Variants in LLGL1 observed in about 807,000 individuals in gnomAD.
LLGL1 encodes the protein LLGL scribble cell polarity complex component 1.
A neutral mutation model predicts 110.6 loss-of-function variants in LLGL1; 58 were observed. The observed-to-expected ratio is 0.52, with a 90% CI of 0.42 to 0.65. LLGL1 has a LOEUF of 0.65. Among genes scored for constraint, LLGL1 ranks in the 30% least tolerant of loss-of-function variants. The pLI, the probability that LLGL1 is intolerant of heterozygous loss-of-function variation, is 0.00. For synonymous variants in LLGL1, 674 were observed against 607.2 expected (o/e 1.11, Z -1.62); for missense variants, 1,229 against 1,462.1 (o/e 0.84, Z 2.60).
At chr17:18,236,562 G>A in intron 11 of LLGL1, 45 bp from the exon 12 acceptor site, 2 of 1,572,752 alleles carry the variant, frequency 1.3e-6, no homozygotes, top group Non-Finnish European at 1.7e-6. Flanking sequence ...GGGCGTGCAG[G>A]CCTCCCAGGA....
In LLGL1 at chr17:18,238,608, T is replaced by C; in HGVS notation, c.2205T>C (p.Asp735=). The change falls in exon 16 of 23, where the codon GAT becomes GAC. Residue 735 remains aspartate (D), a splice_region_variant and synonymous_variant. Coordinates refer to ENST00000316843, the MANE Select transcript of LLGL1 (RefSeq NM_004140.4). ...ACTTTGCCGACACATTCCTTCGAGA[T>C]GGTAAGGCAGGGGCAGGGGCAGGGA... ...CLYFADTFLR[D]GAHHGPTMWA... The C allele has an allele frequency of 1.2e-6, 2 of 1,610,562 alleles. No homozygotes were observed. Among genetic ancestry groups the C allele is most frequent in the Non-Finnish European group, 1.7e-6 (2 of 1,179,038 alleles).
rs764681199 is a variant in LLGL1 at position 18,237,751 on chromosome 17, C to T, written c.1882C>T (p.Arg628Cys). The T allele has an allele frequency of 8.7e-6, 14 of 1,609,570 alleles. No homozygotes were observed. The highest frequency in any genetic ancestry group is 6.7e-5 in the Admixed American group (4 of 59,962). Residue 628 changes from arginine to cysteine, a missense_variant, in exon 14 of 23, where the codon CGC (arginine) becomes TGC (cysteine). By Grantham distance (180) the Arg-to-Cys change is radical (BLOSUM62 -3). Transcript: ENST00000316843. ...SHGFGLFDYQ[R>C]KSPVLARCTL... is the part of the protein sequence containing the mutation. Reference sequence around the variant, plus strand: ...TGGCTTTGGCCTCTTCGACTACCAGCGCAAGAGCCCTGTGCTGGCCAGGTG... The same window carrying T: ...TGGCTTTGGCCTCTTCGACTACCAGTGCAAGAGCCCTGTGCTGGCCAGGTG...
chr17:18,230,872 G>A (rs1210960079), intron 2 of LLGL1, among the ~76,000 whole-genome samples: 1 of 152,190 alleles, frequency 6.6e-6, no homozygotes, highest in South Asian at 2.1e-4. Flanking sequence ...CTCTGAGCCT[G>A]TGGTTTGTGA....
chr17:18,237,007 T>C, intron 13 of LLGL1, 68 bp downstream of exon 13: 1 of 1,355,450 alleles, frequency 7.4e-7, no homozygotes, highest in Non-Finnish European at 1.0e-6. Flanking sequence ...AGCTGGAGGG[T>C]CTGGTGGAAA....
chr17:18,228,736 C>T (rs1039103718), intron 1 of LLGL1, among the ~76,000 whole-genome samples: 3 of 152,080 alleles, frequency 2.0e-5, no homozygotes, highest in Non-Finnish European at 2.9e-5. Flanking sequence ...GCAGCAAGGG[C>T]GTGGTATTAT....
chr17:18,238,744 A>G, intron 16 of LLGL1, 135 bp downstream of exon 16: 1 of 870,126 alleles, frequency 1.1e-6, no homozygotes, highest in South Asian at 1.6e-5. Flanking sequence ...CGGTGGCTCA[A>G]GCCTGTGAGT....
rs544061480 is a variant in LLGL1 at position 18,241,563 on chromosome 17, A to G, written c.2615A>G (p.Asp872Gly). The G allele has an allele frequency of 4.3e-6, 7 of 1,613,690 alleles. No individual in the cohort carries two copies. The African/African-American group carries it at 5.3e-5, about 12-fold the overall frequency. Residue 872 changes from aspartate (D) to glycine (G), a missense_variant, in exon 18 of 23, where the codon GAC (aspartate) becomes GGC (glycine). Physicochemically the swap from Asp to Gly is moderately conservative, Grantham distance 94. Coordinates refer to ENST00000316843, the MANE Select transcript of LLGL1 (RefSeq NM_004140.4). ...ACGTTTGCCAGTGTGGCCTGCGAGG[A>G]CTATGCTGAGACCTGCCTGGCCTGC... ...LATFASVACEDYAETCLACLT... is the reference protein window; with the variant it reads ...LATFASVACEGYAETCLACLT...
In LLGL1 at chr17:18,235,234, C is replaced by T. The variant is rs2047665628; in HGVS notation, c.1206C>T (p.Ala402=). The part of the protein sequence containing the change: ...SSAITCSAHV[A]SVPAKLWARI... Reference sequence around the variant, plus strand: ...CAATCACTTGCTCGGCCCACGTGGCCAGTGTCCCCGCCAAGCTGTGGGCCC... The same window carrying T: ...CAATCACTTGCTCGGCCCACGTGGCTAGTGTCCCCGCCAAGCTGTGGGCCC... Residue 402 remains alanine (A), a synonymous_variant, in exon 10 of 23, where the codon GCC becomes GCT. Coordinates refer to ENST00000316843, the MANE Select transcript of LLGL1 (RefSeq NM_004140.4). 1.2e-6 allele frequency: 2 copies of T among 1,610,612 alleles called. No homozygotes were observed. Among genetic ancestry groups the T allele is most frequent in the Admixed American group, 3.3e-5 (2 of 59,998 alleles).
intron 13 of LLGL1, chr17:18,237,236 G>C: frequency 1.7e-6 from 1 of 597,458 alleles, no homozygotes; most frequent in Non-Finnish European, 3.0e-6. Flanking sequence ...TCAGGGTAAG[G>C]GTGGACACTT....
intron 4 of LLGL1, among the ~76,000 whole-genome samples, chr17:18,233,439 T>C (rs2047614446): frequency 6.6e-6 from 1 of 152,116 alleles, no homozygotes; most frequent in South Asian, 2.1e-4. Flanking sequence ...GTCTGAGCGC[T>C]GGCAGCGGGA....
In LLGL1 at chr17:18,235,301, T is replaced by A. The variant is rs1297270815; in HGVS notation, c.1273T>A (p.Ser425Thr). Reference sequence around the variant, plus strand: ...CGAGCAGCAGAGCCCCCAGCCTGTCTCCAGTGCCTTGGTGTGTGCGGCGAT... The same window carrying A: ...CGAGCAGCAGAGCCCCCAGCCTGTCACCAGTGCCTTGGTGTGTGCGGCGAT... ...AGEQQSPQPV[S>T]SALSWPITGG... Residue 425 changes from serine to threonine, a missense_variant, in exon 10 of 23, where the codon TCC becomes ACC. Physicochemically the swap from Ser to Thr is moderately conservative, Grantham distance 58 (BLOSUM62 1). Transcript: ENST00000316843. The A allele has an allele frequency of 1.9e-6, 3 of 1,610,434 alleles. No individual in the cohort carries two copies. The highest frequency in any genetic ancestry group is 2.5e-6 in the Non-Finnish European group (3 of 1,179,876).
intron 4 of LLGL1, 83 bp from the exon 5 acceptor site, chr17:18,233,695 T>A: frequency 6.9e-7 from 1 of 1,453,740 alleles, no homozygotes; most frequent in Non-Finnish European, 9.4e-7. Flanking sequence ...TGATGAGTTA[T>A]CAGCAGTGGC....
At chr17:18,230,992 C>T (rs2047555363) in intron 2 of LLGL1, among the ~76,000 whole-genome samples, 1 of 152,222 alleles carries the variant, frequency 6.6e-6, no homozygotes, top group Admixed American at 6.5e-5. Flanking sequence ...CCCACATGCT[C>T]CGCTGCCTGG....
chr17:18,233,695 T>C, intron 4 of LLGL1, 83 bp from the exon 5 acceptor site: 1 of 1,453,742 alleles, frequency 6.9e-7, no homozygotes, highest in Non-Finnish European at 9.4e-7. Flanking sequence ...TGATGAGTTA[T>C]CAGCAGTGGC....
rs2047733078 is a variant in LLGL1 at position 18,237,949 on chromosome 17, A to AG, written c.1905-116dup. ...CAGTACCACCTGCAGCTGGGTCCAT[A>AG]GGACTGCGCCAGAGGGGCTGTGACT... On this transcript the variant is annotated intron_variant, in intron 14 of 22. Transcript: ENST00000316843. 3.0e-6 allele frequency: 4 copies of AG among 1,352,430 alleles called. No individual in the cohort carries two copies. In the Admixed American group the frequency reaches 8.5e-5, roughly 29 times the overall value. The allele number at this position is 1,352,430 out of a possible 1,614,324, so 83.8% of individuals were successfully genotyped here.
intron 16 of LLGL1, among the ~76,000 whole-genome samples, chr17:18,239,959 C>T (rs1357585057): frequency 6.6e-6 from 1 of 152,098 alleles, no homozygotes; most frequent in Non-Finnish European, 1.5e-5. Context: ...CTTGCTTCTG[C>T]TGGGCTGGGC....
At chr17:18,228,261 A>G (rs1006506933) in intron 1 of LLGL1, among the ~76,000 whole-genome samples, 1 of 152,214 alleles carries the variant, frequency 6.6e-6, no homozygotes, top group African/African-American at 2.4e-5. Context: ...TGCTGCAGCC[A>G]GGGTGGCCTT....
chr17:18,229,348 C>T (rs537033686), intron 1 of LLGL1, among the ~76,000 whole-genome samples: 8 of 152,204 alleles, frequency 5.3e-5, no homozygotes, highest in Non-Finnish European at 1.0e-4. Flanking sequence ...AGGATGCCTT[C>T]GGGGTCCAGG....
chr17:18,238,188 A>G lies in LLGL1; in HGVS notation c.2026A>G (p.Lys676Glu), dbSNP rs1176366997. The G allele has an allele frequency of 6.2e-7, 1 of 1,612,480 alleles. No individual in the cohort carries two copies. The highest frequency in any genetic ancestry group is 1.7e-5 in the Admixed American group (1 of 60,032). The change falls in exon 15 of 23, where the codon AAG becomes GAG. Residue 676 changes from lysine to glutamate, a missense_variant. Transcript: ENST00000316843. The stretch of plus-strand genomic sequence containing the variant: ...TCGCAAGAGTCGTGTCTCTGGCAAG[A>G]AGCGGGCTGCTAATGCCAGCAGCAA... ...RIRKSRVSGK[K>E]RAANASSKLQ...
Sources: allele counts gnomAD v4.1 joint callset (sites outside exome capture counted in the v4.1 genomes callset), GRCh38; gene constraint gnomAD v4.1.1; transcripts MANE v1.5; gene names NCBI Gene and HGNC (gene_info 2026-07-23, HGNC 2026-07-21).